Variants in ANO2 observed in about 807,000 individuals in gnomAD.
ANO2 encodes anoctamin 2, also known as anoctamin-2.
ANO2 carries 101 observed loss-of-function variants against 124.2 expected under a neutral mutation model. The ratio of observed to expected loss-of-function variants is 0.81; its 90% CI spans 0.69 to 0.96. ANO2 has a LOEUF of 0.96. ANO2 is among the 40% of genes least tolerant of loss of function. The pLI is 0.00. For synonymous variants in ANO2, 486 were observed against 482.5 expected, an observed-to-expected ratio of 1.01 and a Z score of -0.09; for missense variants, 1,293 against 1,274.5, an observed-to-expected ratio of 1.01 and a Z score of -0.22.
At chr12:5,711,910 T>A (rs570302163) in intron 14 of ANO2, among the ~76,000 whole-genome samples, 2 of 152,332 alleles carry the variant, frequency 1.3e-5, no homozygotes, top group African/African-American at 2.4e-5. Context: ...ACTTCTTGAC[T>A]GAACAGGCTT....
intron 17 of ANO2, among the ~76,000 whole-genome samples, chr12:5,614,453 C>T (rs1944696205): frequency 6.6e-6 from 1 of 152,176 alleles, no homozygotes. Flanking sequence ...AGTTCACTCA[C>T]ATGGCAAATG....
chr12:5,582,790 C>A (rs1222554321), intron 20 of ANO2, among the ~76,000 whole-genome samples: 1 of 152,196 alleles, frequency 6.6e-6, no homozygotes, highest in Non-Finnish European at 1.5e-5. Context: ...TTGGTACATG[C>A]CACTACTGTC....
At chr12:5,891,073 C>A (rs1256760708) in intron 3 of ANO2, among the ~76,000 whole-genome samples, 1 of 151,904 alleles carries the variant, frequency 6.6e-6, no homozygotes, top group Admixed American at 6.6e-5. Flanking sequence ...AGAGATCACA[C>A]ATTTCTCTTC....
rs368344802 is a variant in ANO2, at chr12:5,934,862, TC to T, written c.22+10333del. ...GTGTAACCAAGATTAAAGATATCAT[TC>T]TTATTCTCATCTCTCCAAAGTAGGA... On this transcript the variant is annotated intron_variant, in intron 1 of 24. Coordinates refer to ENST00000682330, the MANE Select transcript of ANO2 (RefSeq NM_001364791.2). 1.6e-4 allele frequency among the ~76,000 whole-genome samples: 25 copies of T among 152,232 alleles called. No individual in the cohort carries two copies. In the East Asian group the frequency reaches 1.9e-3, roughly 12 times the overall value.
At chr12:5,692,941 CCTTT>C (rs1352479148) in intron 14 of ANO2, among the ~76,000 whole-genome samples, 1 of 152,132 alleles carries the variant, frequency 6.6e-6, no homozygotes, top group Non-Finnish European at 1.5e-5. Context: ...GTTAATAACT[CCTTT>C]CATCCTGAGA....
In ANO2 at chr12:5,572,829, T is replaced by G. The variant is rs552248480; in HGVS notation, c.2621+3005A>C. Among the ~76,000 whole-genome samples, 3 of 152,296 alleles carry G rather than the reference T, an allele frequency of 2.0e-5. No homozygotes were observed. The East Asian group carries it at 5.8e-4, about 29-fold the overall frequency. On this transcript the variant is annotated intron_variant, in intron 23 of 24. Transcript: ENST00000682330. ...GTGCACTTTCTATGCATGTGCCCAC[T>G]GATAATTCTGCCACTCGGTGTCAGA...
intron 3 of ANO2, among the ~76,000 whole-genome samples, chr12:5,896,141 G>T (rs1031377671): frequency 6.6e-6 from 1 of 151,920 alleles, no homozygotes; most frequent in Admixed American, 6.6e-5. Context: ...GGGGGGTGAG[G>T]TATAAAAGAC....
chr12:5,824,199 C>T (rs1451492237), intron 7 of ANO2, among the ~76,000 whole-genome samples: 5 of 152,218 alleles, frequency 3.3e-5, no homozygotes, highest in African/African-American at 4.8e-5. Flanking sequence ...GCTACTTATG[C>T]AAATTTCTGC....
chr12:5,894,666 T>C (rs1319629163), intron 3 of ANO2, among the ~76,000 whole-genome samples: 1 of 152,240 alleles, frequency 6.6e-6, no homozygotes, highest in Non-Finnish European at 1.5e-5. Flanking sequence ...TTAATTTTTG[T>C]ATAAGGTGTA....
intron 10 of ANO2, among the ~76,000 whole-genome samples, chr12:5,761,221 C>T (rs575180645): frequency 1.3e-5 from 2 of 152,018 alleles, no homozygotes; most frequent in African/African-American, 2.4e-5. Flanking sequence ...AATCTTACTA[C>T]GTCTCTGAAA....
chr12:5,649,544 C>A (rs1465904104), intron 14 of ANO2, among the ~76,000 whole-genome samples: 1 of 152,034 alleles, frequency 6.6e-6, no homozygotes, highest in Non-Finnish European at 1.5e-5. Flanking sequence ...AGTAGAGCTT[C>A]TTTCATTTTC....
chr12:5,796,282 C>T (rs1364668567), intron 10 of ANO2, among the ~76,000 whole-genome samples: 2 of 151,602 alleles, frequency 1.3e-5, no homozygotes, highest in Non-Finnish European at 2.9e-5. Context: ...CGCATGCACA[C>T]ACACTCATTC....
chr12:5,723,035 CACACTGTGGGT>C (rs944957812), intron 14 of ANO2, among the ~76,000 whole-genome samples: 2 of 152,242 alleles, frequency 1.3e-5, no homozygotes, highest in African/African-American at 4.8e-5. Context: ...CAAACTCCAA[CACACTGTGGGT>C]ACACTGTGGA....
At position 5,563,138 on chromosome 12, in the gene ANO2, C is replaced by T. The variant is rs111934159; in HGVS notation, c.*161G>A. The T allele has an allele frequency of 6.3e-3, 6,106 of 971,822 alleles. 51 individuals carry two copies. Among genetic ancestry groups the T allele is most frequent in the Non-Finnish European group, 6.5e-3 (4,436 of 677,660 alleles). The allele number at this position is 971,822 out of a possible 1,614,324, so 60.2% of individuals were successfully genotyped here. On this transcript the variant is annotated 3_prime_UTR_variant, in exon 25 of 25. Coordinates refer to ENST00000682330, the MANE Select transcript of ANO2 (RefSeq NM_001364791.2). ...CATCATTTCTCTTCCTTCCTACACTCATTCTGTCAGGCTCTTTCTTTTTAC... is the reference window on the plus strand; with the variant it reads ...CATCATTTCTCTTCCTTCCTACACTTATTCTGTCAGGCTCTTTCTTTTTAC...
At chr12:5,625,153 A>G (rs2110167) in intron 16 of ANO2, among the ~76,000 whole-genome samples, 99,705 of 151,958 alleles carry the variant, frequency 0.66, 33,000 homozygotes, top group East Asian at 0.8. Flanking sequence ...AGGATGTGAC[A>G]AAATTAAATT....
chr12:5,605,257 C>T (rs1172028459), intron 19 of ANO2, among the ~76,000 whole-genome samples: 1 of 152,130 alleles, frequency 6.6e-6, no homozygotes, highest in Non-Finnish European at 1.5e-5. Context: ...GATTTATGGC[C>T]AGATTCCACT....
At position 5,684,079 on chromosome 12, in the gene ANO2, C is replaced by T. The variant is rs573658621; in HGVS notation, c.1546-36278G>A. Among the ~76,000 whole-genome samples the T allele has an allele frequency of 3.9e-5, 6 of 152,324 alleles. No homozygotes were observed. The South Asian group carries it at 1.2e-3, about 32-fold the overall frequency. ...TCCCTCCCTACCACCACTGCAGTCACAGGCAAGGCATAGGCAGGCCAAGTA... is the reference window on the plus strand; with the variant it reads ...TCCCTCCCTACCACCACTGCAGTCATAGGCAAGGCATAGGCAGGCCAAGTA... On this transcript the variant is annotated intron_variant, in intron 14 of 24. Coordinates refer to ENST00000682330, the MANE Select transcript of ANO2 (RefSeq NM_001364791.2).
chr12:5,886,722 T>A (rs904682977), intron 3 of ANO2, among the ~76,000 whole-genome samples: 2 of 152,242 alleles, frequency 1.3e-5, no homozygotes. Flanking sequence ...TACATATTAA[T>A]GTATTTCTTT....
intron 6 of ANO2, 106 bp downstream of exon 6, chr12:5,830,329 C>A (rs1439231865): frequency 8.3e-7 from 1 of 1,202,742 alleles, no homozygotes; most frequent in African/African-American, 1.5e-5. Context: ...CAACTCCAAG[C>A]AAATAACGGT....
Sources: allele counts gnomAD v4.1 joint callset (sites outside exome capture counted in the v4.1 genomes callset), GRCh38; gene constraint gnomAD v4.1.1; transcripts MANE v1.5; gene names NCBI Gene and HGNC (gene_info 2026-07-23, HGNC 2026-07-21).